Variants in COBL observed in about 807,000 individuals in gnomAD.
COBL encodes protein cordon-bleu.
A neutral mutation model predicts 98.8 loss-of-function variants in COBL; 51 were observed. The observed-to-expected ratio is 0.52, with a 90% confidence interval of 0.41 to 0.65. The LOEUF (loss-of-function observed/expected upper bound fraction) is 0.65. Ranked by LOEUF, COBL falls within the 30% of genes least tolerant of loss-of-function variation. COBL has a pLI of 0.00. For missense variants in COBL, 1,617 were observed against 1,617.5 expected (o/e 1.00, Z 0.01); for synonymous variants, 634 against 651.7 (o/e 0.97, Z 0.41).
intron 1 of COBL, among the ~76,000 whole-genome samples, chr7:51,230,266 CA>C (rs1245378043): frequency 1.3e-5 from 2 of 152,208 alleles, no homozygotes; most frequent in Non-Finnish European, 2.9e-5. Flanking sequence ...CTAGGCCTAA[CA>C]ACACCCAATG....
At chr7:51,241,245 A>G (rs922368305) in intron 1 of COBL, among the ~76,000 whole-genome samples, 1 of 152,270 alleles carries the variant, frequency 6.6e-6, no homozygotes, top group African/African-American at 2.4e-5. Context: ...TCCAATAACA[A>G]AAGATTACAC....
At chr7:51,083,603 T>C (rs569242279) in intron 7 of COBL, among the ~76,000 whole-genome samples, 27 of 152,352 alleles carry the variant, frequency 1.8e-4, no homozygotes, top group Admixed American at 3.3e-4. Context: ...TGTTAGTCTT[T>C]TTCAGGTTCA....
At chr7:51,059,950 T>C (rs778529346) in intron 7 of COBL, among the ~76,000 whole-genome samples, 4 of 152,124 alleles carry the variant, frequency 2.6e-5, no homozygotes, top group Non-Finnish European at 4.4e-5. Flanking sequence ...CTGTGTAGGA[T>C]TGAAATGGAG....
At chr7:51,160,858 C>T (rs571291298) in intron 5 of COBL, among the ~76,000 whole-genome samples, 19 of 152,042 alleles carry the variant, frequency 1.2e-4, no homozygotes, top group Non-Finnish European at 2.8e-4. Flanking sequence ...GATTCTCCTA[C>T]TCTACTCTTA....
intron 2 of COBL, among the ~76,000 whole-genome samples, chr7:51,214,077 C>G (rs1477430467): frequency 6.6e-6 from 1 of 151,952 alleles, no homozygotes; most frequent in African/African-American, 2.4e-5. Flanking sequence ...ACCAGCCTGG[C>G]CAACATGGTG....
intron 1 of COBL, among the ~76,000 whole-genome samples, chr7:51,256,760 A>G (rs996439276): frequency 3.9e-5 from 6 of 152,234 alleles, no homozygotes; most frequent in Non-Finnish European, 8.8e-5. Context: ...CTAAATGATG[A>G]TAGGTGCTCT....
At chr7:51,168,656 T>A (rs1022647433) in intron 5 of COBL, among the ~76,000 whole-genome samples, 9 of 152,164 alleles carry the variant, frequency 5.9e-5, no homozygotes, top group Non-Finnish European at 8.8e-5. Flanking sequence ...GGAACCCTCA[T>A]ACACTGTTGG....
intron 5 of COBL, among the ~76,000 whole-genome samples, chr7:51,152,359 G>C (rs1785643222): frequency 6.6e-6 from 1 of 152,168 alleles, no homozygotes; most frequent in Non-Finnish European, 1.5e-5. Flanking sequence ...TAGCTACCCT[G>C]AATCCCACTC....
intron 7 of COBL, among the ~76,000 whole-genome samples, chr7:51,076,325 C>T (rs1031811702): frequency 2.0e-5 from 3 of 152,228 alleles, no homozygotes; most frequent in African/African-American, 7.2e-5. Context: ...TAAGGGCCAT[C>T]AGCCAAATTC....
chr7:51,028,275 CGTGGTT>C lies in COBL; in HGVS notation c.2815_2820del (p.Asn939_His940del), dbSNP rs1787780625. ...GGGGCTCCCACTGCCAAATCTTCCC[CGTGGTT>C]GTTGGGAGGAGTGACACAGGGCCAC... On this transcript the variant is annotated inframe_deletion, in exon 10 of 13. Coordinates refer to ENST00000265136, the MANE Select transcript of COBL (RefSeq NM_015198.5). 3.1e-6 allele frequency: 5 copies of C among 1,614,182 alleles called. No individual in the cohort carries two copies. The East Asian group carries it at 1.1e-4, about 36-fold the overall frequency.
intron 5 of COBL, among the ~76,000 whole-genome samples, chr7:51,157,156 A>C (rs1378916293): frequency 6.6e-6 from 1 of 152,226 alleles, no homozygotes; most frequent in Non-Finnish European, 1.5e-5. Context: ...GGATCACTTA[A>C]GGTCAGGAGT....
intron 1 of COBL, among the ~76,000 whole-genome samples, chr7:51,233,885 C>A (rs1288430537): frequency 6.6e-6 from 1 of 152,166 alleles, no homozygotes; most frequent in African/African-American, 2.4e-5. Flanking sequence ...ATAAAAACAA[C>A]CAGACTGTGT....
intron 7 of COBL, among the ~76,000 whole-genome samples, chr7:51,081,485 T>C (rs927304557): frequency 2.0e-5 from 3 of 152,240 alleles, no homozygotes; most frequent in African/African-American, 7.2e-5. Flanking sequence ...GAGGTTCCAC[T>C]GCTCTGCAGA....
chr7:51,024,977 G>A (rs1787377102), intron 12 of COBL, 132 bp downstream of exon 12: 5 of 1,205,668 alleles, frequency 4.1e-6, no homozygotes, highest in East Asian at 2.3e-5. Flanking sequence ...ACACAGTGAC[G>A]CCGGCTCTCT....
intron 1 of COBL, among the ~76,000 whole-genome samples, chr7:51,293,653 T>G (rs1249311034): frequency 3.9e-5 from 6 of 152,232 alleles, no homozygotes; most frequent in African/African-American, 1.4e-4. Flanking sequence ...TAAAGCTGTA[T>G]GCCTTAATAT....
At chr7:51,033,211 T>C (rs1052655039) in intron 8 of COBL, 3 of 152,222 alleles carry the variant, frequency 2.0e-5, no homozygotes, top group East Asian at 1.9e-4. Context: ...CAGGTTTTAA[T>C]TGGAAAGCAA....
At chr7:51,307,496 G>C (rs1311371174) in intron 1 of COBL, among the ~76,000 whole-genome samples, 2 of 152,212 alleles carry the variant, frequency 1.3e-5, no homozygotes, top group Non-Finnish European at 2.9e-5. Context: ...GCTAGACAAT[G>C]GCAACAGGCA....
intron 1 of COBL, among the ~76,000 whole-genome samples, chr7:51,232,564 T>C (rs966920182): frequency 2.6e-5 from 4 of 152,238 alleles, no homozygotes; most frequent in Admixed American, 6.5e-5. Flanking sequence ...GCAATCCCAG[T>C]ACTTTGGGAG....
intron 6 of COBL, among the ~76,000 whole-genome samples, chr7:51,105,159 G>A (rs773412954): frequency 3.3e-5 from 5 of 151,750 alleles, no homozygotes; most frequent in Non-Finnish European, 5.9e-5. Context: ...TACCTGCCCC[G>A]GGTGTGCCTG....
Sources: gnomAD v4.1 joint callset for allele counts (sites outside exome capture counted in the v4.1 genomes callset) on GRCh38, gnomAD v4.1.1 for gene constraint, MANE v1.5 for transcripts, NCBI Gene and HGNC (gene_info 2026-07-23, HGNC 2026-07-21) for gene names.